The following MYPN variants were observed in gnomAD, a reference collection of about 807,000 sequenced individuals.
MYPN encodes myopalladin, also known as sarcomeric protein myopalladin, 145 kDa (MYOP).
In MYPN, 63 loss-of-function variants were observed where a neutral mutation model predicts 129.4. The observed-to-expected ratio is 0.49, with a 90% CI of 0.40 to 0.60. The LOEUF (loss-of-function observed/expected upper bound fraction) is 0.60. Among genes scored for constraint, MYPN ranks in the 20% least tolerant of loss-of-function variants. The pLI is 0.00. For synonymous variants in MYPN, 629 were observed against 600.9 expected (o/e 1.05, Z -0.68); for missense variants, 1,596 against 1,635.4 (o/e 0.98, Z 0.42).
intron 12 of MYPN, among the ~76,000 whole-genome samples, chr10:68,178,455 T>C (rs4745949): frequency 0.98 from 149,222 of 152,238 alleles, 73,203 homozygotes; most frequent in Middle Eastern, 1. Flanking sequence ...TGGCTCAGGC[T>C]TGTAATCCTA....
chr10:68,093,230 A>G (rs2133936097), intron 1 of MYPN, among the ~76,000 whole-genome samples: 1 of 152,238 alleles, frequency 6.6e-6, no homozygotes, highest in East Asian at 1.9e-4. Context: ...CAACCTTGAA[A>G]AGATTAGAAA....
chr10:68,153,061 G>A (rs1244248961), intron 6 of MYPN, among the ~76,000 whole-genome samples: 1 of 151,318 alleles, frequency 6.6e-6, no homozygotes, highest in East Asian at 1.9e-4. Flanking sequence ...TCTTGGCTCA[G>A]TGCAACCTTT....
intron 2 of MYPN, among the ~76,000 whole-genome samples, chr10:68,124,724 G>C (rs551780343): frequency 2.9e-4 from 44 of 152,274 alleles, no homozygotes; most frequent in African/African-American, 9.9e-4. Context: ...TGTTGAATGA[G>C]CTAGTGGATA....
intron 17 of MYPN, among the ~76,000 whole-genome samples, chr10:68,201,128 C>T (rs1251954065): frequency 6.6e-6 from 1 of 152,096 alleles, no homozygotes; most frequent in Non-Finnish European, 1.5e-5. Context: ...AATAAAACTC[C>T]ACCCCCAAAA....
chr10:68,149,234 C>T (rs1412369878), intron 5 of MYPN, among the ~76,000 whole-genome samples: 4 of 152,020 alleles, frequency 2.6e-5, no homozygotes, highest in Non-Finnish European at 4.4e-5. Flanking sequence ...CACTCCCCCC[C>T]GAAAAATGTA....
At chr10:68,166,842 A>G (rs908184077) in intron 10 of MYPN, among the ~76,000 whole-genome samples, 176 bp downstream of exon 10, 2 of 152,002 alleles carry the variant, frequency 1.3e-5, no homozygotes, top group African/African-American at 4.8e-5. Flanking sequence ...CAGCCGGGGA[A>G]AAATAGTGAG....
chr10:68,108,467 A>G (rs953713139), upstream of MYPN, among the ~76,000 whole-genome samples: 15 of 152,200 alleles, frequency 9.9e-5, no homozygotes, highest in African/African-American at 2.4e-4. Flanking sequence ...TACGAAAATA[A>G]TTATCAAATG....
chr10:68,149,483 A>G (rs1325353675), intron 5 of MYPN, among the ~76,000 whole-genome samples: 2 of 151,970 alleles, frequency 1.3e-5, no homozygotes, highest in African/African-American at 4.8e-5. Flanking sequence ...AATTATTTGT[A>G]GAGACGAGAT....
intron 17 of MYPN, among the ~76,000 whole-genome samples, chr10:68,200,680 C>T (rs1195894784): frequency 1.3e-5 from 2 of 152,036 alleles, no homozygotes; most frequent in Non-Finnish European, 2.9e-5. Context: ...ATCGCTTGAA[C>T]CCGGGAGGTG....
rs138473372 is a variant in MYPN at position 68,170,305 on chromosome 10, T to C, written c.1973+3639T>C. ...GACGTCTTTCTACTAAATCATGTAG[T>C]GACACCCTCTAAAAACATAGTTCTC... On this transcript the variant is annotated intron_variant, in intron 10 of 19. Coordinates refer to ENST00000358913, the MANE Select transcript of MYPN (RefSeq NM_032578.4). 2.4e-3 allele frequency among the ~76,000 whole-genome samples: 362 copies of C among 152,312 alleles called. 4 individuals are homozygous for C. Among genetic ancestry groups the C allele is most frequent in the African/African-American group, 8.4e-3 (350 of 41,568 alleles).
intron 14 of MYPN, 68 bp from the exon 15 acceptor site, chr10:68,195,382 A>C: frequency 6.6e-7 from 1 of 1,511,040 alleles, no homozygotes; most frequent in Non-Finnish European, 9.2e-7. Context: ...TGGTCCAGAA[A>C]TTTTTATGTA....
At chr10:68,158,433 A>G in intron 6 of MYPN, 53 bp from the exon 7 acceptor site, 1 of 1,566,590 alleles carries the variant, frequency 6.4e-7, no homozygotes, top group Middle Eastern at 1.7e-4. Context: ...CCGAAACTAG[A>G]TTACAAAAAT....
intron 1 of MYPN, among the ~76,000 whole-genome samples, chr10:68,098,141 G>C (rs1393341838): frequency 1.3e-5 from 2 of 152,156 alleles, no homozygotes; most frequent in African/African-American, 4.8e-5. Flanking sequence ...AGCTACTTGG[G>C]AGGCTGAAGT....
intron 1 of MYPN, among the ~76,000 whole-genome samples, chr10:68,114,043 G>A (rs756183680): frequency 2.0e-4 from 31 of 151,954 alleles, no homozygotes; most frequent in African/African-American, 3.9e-4. Context: ...CCAACATCTC[G>A]GCATTCCTCA....
chr10:68,154,091 T>G (rs1378922940), intron 6 of MYPN, among the ~76,000 whole-genome samples: 1 of 152,168 alleles, frequency 6.6e-6, no homozygotes, highest in Non-Finnish European at 1.5e-5. Flanking sequence ...ATTCCAAAAC[T>G]AGTTCACTAC....
upstream of MYPN, among the ~76,000 whole-genome samples, chr10:68,103,656 A>T (rs1201887263): frequency 6.6e-6 from 1 of 152,128 alleles, no homozygotes; most frequent in Non-Finnish European, 1.5e-5. Context: ...CTAAACTAAA[A>T]GGCTTATGTT....
chr10:68,107,519 T>G (rs1301002506), upstream of MYPN, among the ~76,000 whole-genome samples: 1 of 151,586 alleles, frequency 6.6e-6, no homozygotes, highest in East Asian at 1.9e-4. Context: ...TTTTTTTTTT[T>G]TTTGTATTTT....
intron 6 of MYPN, among the ~76,000 whole-genome samples, chr10:68,152,305 T>G (rs886584663): frequency 6.6e-6 from 1 of 152,128 alleles, no homozygotes; most frequent in African/African-American, 2.4e-5. Context: ...TAATGAGGCA[T>G]GTCCCCTTCC....
At chr10:68,207,756 G>A (rs2043840925) in intron 19 of MYPN, among the ~76,000 whole-genome samples, 1 of 152,100 alleles carries the variant, frequency 6.6e-6, no homozygotes, top group Admixed American at 6.6e-5. Context: ...AAATCTCCCA[G>A]ACCCATGAGA....
Sources: allele counts gnomAD v4.1 joint callset (sites outside exome capture counted in the v4.1 genomes callset), GRCh38; gene constraint gnomAD v4.1.1; transcripts MANE v1.5; gene names NCBI Gene and HGNC (gene_info 2026-07-23, HGNC 2026-07-21).